DMD: variants seen among roughly 807,000 people sequenced by gnomAD.
DMD encodes the protein mutant dystrophin.
DMD carries 63 observed loss-of-function variants against 330.1 expected under a neutral mutation model. That is an observed-to-expected ratio of 0.19 (90% CI 0.16 to 0.24). The LOEUF is 0.24. DMD is among the 10% of genes least tolerant of loss of function. The pLI is 1.00. For synonymous variants in DMD, 1,223 were observed against 959.8 expected (o/e 1.27, Z -5.07); for missense variants, 3,344 against 2,684.1 (o/e 1.25, Z -5.43).
intron 21 of DMD, among the ~76,000 whole-genome samples, chrX:32,478,885 T>G (rs1426150144): frequency 9.0e-6 from 1 of 111,084 alleles, no homozygotes; most frequent in East Asian, 2.8e-4. Flanking sequence ...GAATTTGTTT[T>G]ATAAGTCATA....
At chrX:32,178,230 T>A (rs895734894) in intron 44 of DMD, among the ~76,000 whole-genome samples, 1 of 108,730 alleles carries the variant, frequency 9.2e-6, no homozygotes, top group East Asian at 2.9e-4. Flanking sequence ...GTCAATAAAC[T>A]ACTTTTCATG....
chrX:32,911,686 C>A (rs1190124199), intron 2 of DMD, among the ~76,000 whole-genome samples: 1 of 110,995 alleles, frequency 9.0e-6, no homozygotes, highest in Non-Finnish European at 1.9e-5. Context: ...ACAGAGTAGC[C>A]AAAAGTTAAG....
chrX:32,168,060 C>T (rs920600809), intron 44 of DMD, among the ~76,000 whole-genome samples: 2 of 112,480 alleles, frequency 1.8e-5, no homozygotes, highest in East Asian at 5.6e-4. Context: ...TATAGAATCT[C>T]AACTGCAGCC....
At chrX:33,015,240 T>C (rs1257638545) in intron 2 of DMD, among the ~76,000 whole-genome samples, 1 of 111,531 alleles carries the variant, frequency 9.0e-6, no homozygotes, top group Non-Finnish European at 1.9e-5. Flanking sequence ...CTATTTACAA[T>C]AGCAAAGACG....
At chrX:31,126,914 C>T (rs142773820) in intron 77 of DMD, among the ~76,000 whole-genome samples, 3 of 110,190 alleles carry the variant, frequency 2.7e-5, no homozygotes, top group African/African-American at 9.9e-5. Context: ...ATCCAGAAGA[C>T]GTCATTTGTA....
At chrX:32,929,984 A>G (rs1040805822) in intron 2 of DMD, among the ~76,000 whole-genome samples, 1 of 111,416 alleles carries the variant, frequency 9.0e-6, no homozygotes, top group African/African-American at 3.3e-5. Context: ...TCAACTTACA[A>G]TGAAGTTACA....
intron 9 of DMD, among the ~76,000 whole-genome samples, chrX:32,658,965 G>A (rs988056251): frequency 2.7e-5 from 3 of 111,441 alleles, no homozygotes; most frequent in African/African-American, 9.8e-5. Context: ...TAATTTAGAG[G>A]GTAATTGTAA....
intron 17 of DMD, among the ~76,000 whole-genome samples, chrX:32,523,584 C>G (rs1040780459): frequency 8.9e-6 from 1 of 112,187 alleles, no homozygotes; most frequent in Non-Finnish European, 1.9e-5. Context: ...AGATCATTCC[C>G]TTTTTGTCCA....
chrX:31,545,504 TA>T (rs1360102179), intron 55 of DMD, among the ~76,000 whole-genome samples: 23 of 112,711 alleles, frequency 2.0e-4, no homozygotes, highest in Middle Eastern at 4.6e-3. Flanking sequence ...TTTCTCATCA[TA>T]ATTTTTGAAA....
intron 2 of DMD, among the ~76,000 whole-genome samples, chrX:33,001,525 A>G (rs767446369): frequency 7.3e-5 from 8 of 110,033 alleles, no homozygotes; most frequent in Non-Finnish European, 1.3e-4. Context: ...TTATTATTCA[A>G]GGACTTTAGA....
rs1204990898 is a variant in DMD, at chrX:31,191,038, A to G, written c.9808-8134T>C. On this transcript the variant is annotated intron_variant, in intron 67 of 78. Transcript: ENST00000357033. ...CTAGAAGTCACAAGGAAACACGCTAAAATTGTAGACTCAGATTTGAAATCA... is the reference window on the plus strand; with the variant it reads ...CTAGAAGTCACAAGGAAACACGCTAGAATTGTAGACTCAGATTTGAAATCA... Among the ~76,000 whole-genome samples the G allele has an allele frequency of 7.1e-5, 8 of 112,122 alleles. No homozygotes were observed. The Admixed American group carries it at 7.6e-4, about 11-fold the overall frequency.
intron 55 of DMD, among the ~76,000 whole-genome samples, chrX:31,599,320 C>T (rs183239988): frequency 9.0e-6 from 1 of 111,582 alleles, no homozygotes; most frequent in East Asian, 2.8e-4. Context: ...ATGTTCTCTC[C>T]GAAACCAATT....
intron 52 of DMD, among the ~76,000 whole-genome samples, chrX:31,715,222 G>C (rs186058400): frequency 0.077 from 7,162 of 93,459 alleles, 185 homozygotes; most frequent in African/African-American, 0.096. Context: ...GGGGTTGGTG[G>C]GGGGGGAGCT....
intron 44 of DMD, among the ~76,000 whole-genome samples, chrX:31,969,114 A>T (rs1180777667): frequency 8.9e-6 from 1 of 111,771 alleles, no homozygotes; most frequent in Non-Finnish European, 1.9e-5. Context: ...TCCCATCAAG[A>T]TATCCCTAAG....
chrX:32,743,010 T>TG (rs777626218), intron 7 of DMD, among the ~76,000 whole-genome samples: 14 of 111,326 alleles, frequency 1.3e-4, no homozygotes, highest in Non-Finnish European at 2.3e-4. Flanking sequence ...GATGATACCC[T>TG]GTCTCTTCCT....
chrX:31,229,624 T>C (rs2047003036), intron 63 of DMD, among the ~76,000 whole-genome samples: 1 of 111,800 alleles, frequency 8.9e-6, no homozygotes. Flanking sequence ...AAAAATAAAA[T>C]TTAGAGCACA....
At chrX:31,289,221 G>A (rs1349587793) in intron 62 of DMD, among the ~76,000 whole-genome samples, 1 of 89,929 alleles carries the variant, frequency 1.1e-5, no homozygotes, top group Non-Finnish European at 2.1e-5. Context: ...GGAGGTTGCA[G>A]TCCACTGCAC....
chrX:32,092,488 A>G (rs1390355613), intron 44 of DMD, among the ~76,000 whole-genome samples: 1 of 111,376 alleles, frequency 9.0e-6, no homozygotes, highest in Admixed American at 9.6e-5. Context: ...GAGGAATACA[A>G]TTCTTTGGTA....
rs1229295226 is a variant in DMD, at chrX:32,825,600, C to G, written c.265-2213G>C. ...ATCATAGTAACATTATTCACAATAGCCAAAATGTGAGAACACCCAAATGTC... is the reference window on the plus strand; with the variant it reads ...ATCATAGTAACATTATTCACAATAGGCAAAATGTGAGAACACCCAAATGTC... On this transcript the variant is annotated intron_variant, in intron 4 of 78. Coordinates refer to ENST00000357033, the MANE Select transcript of DMD (RefSeq NM_004006.3). Among the ~76,000 whole-genome samples the G allele has an allele frequency of 5.4e-5, 6 of 111,713 alleles. No homozygotes were observed. In the East Asian group the frequency reaches 1.4e-3, roughly 26 times the overall value.
Sources: gnomAD v4.1 joint callset for allele counts (sites outside exome capture counted in the v4.1 genomes callset) on GRCh38, gnomAD v4.1.1 for gene constraint, MANE v1.5 for transcripts, NCBI Gene and HGNC (gene_info 2026-07-23, HGNC 2026-07-21) for gene names.